Variants in RNF24 observed in about 807,000 individuals in gnomAD.
RNF24 encodes the protein ring finger protein 24.
Under a neutral mutation model 20.0 loss-of-function variants are expected in RNF24, and 14 were observed. The observed-to-expected ratio is 0.70, with a 90% CI of 0.46 to 1.10. RNF24 has a LOEUF of 1.10. RNF24 is among the 50% of genes least tolerant of loss of function. The pLI is 0.00. For synonymous variants in RNF24, 45 were observed against 61.1 expected, an observed-to-expected ratio of 0.74 and a Z score of 1.23; for missense variants, 124 against 177.6, an observed-to-expected ratio of 0.70 and a Z score of 1.71.
chr20:4,001,772 T>C (rs1981412071), intron 1 of RNF24, among the ~76,000 whole-genome samples: 1 of 151,712 alleles, frequency 6.6e-6, no homozygotes, highest in African/African-American at 2.4e-5. Context: ...CTCATCTCTA[T>C]AAAACTTAAA....
intron 1 of RNF24, among the ~76,000 whole-genome samples, chr20:3,980,210 C>T (rs1356920188): frequency 6.6e-6 from 1 of 152,160 alleles, no homozygotes; most frequent in Non-Finnish European, 1.5e-5. Context: ...AAAAAGGCTT[C>T]AGACCCCAAT....
Position 3,932,667 on chromosome 20 carries a change from C to A in RNF24, c.*1396G>T, listed in dbSNP as rs1305252854. The A allele has an allele frequency of 2.7e-6, 1 of 366,518 alleles. No individual in the cohort carries two copies. 22.7% of individuals were successfully genotyped at this position (366,518 alleles called of 1,614,324 possible). A position where few individuals can be genotyped will look rare whatever the true frequency, so the allele number is the denominator to read the frequency against. On this transcript the variant is annotated 3_prime_UTR_variant, in exon 6 of 6. Transcript: ENST00000358395. ...TATTCCTAATGAAAAACTTCCCCCA[C>A]TCACACCTGTGGGATGGAGTGGAGC... is the stretch of plus-strand genomic sequence containing the variant.
intron 1 of RNF24, among the ~76,000 whole-genome samples, chr20:4,012,431 AC>A (rs1982539090): frequency 6.6e-6 from 1 of 151,558 alleles, no homozygotes; most frequent in Non-Finnish European, 1.5e-5. Flanking sequence ...AAAAAAAACA[AC>A]AAAACACCCA....
At chr20:3,941,631 A>T (rs1459336015) in intron 4 of RNF24, among the ~76,000 whole-genome samples, 1 of 152,234 alleles carries the variant, frequency 6.6e-6, no homozygotes, top group Non-Finnish European at 1.5e-5. Flanking sequence ...GGTAAACCTA[A>T]TTCTAAATGT....
At chr20:3,988,670 G>C (rs998340126) in intron 1 of RNF24, among the ~76,000 whole-genome samples, 1 of 152,062 alleles carries the variant, frequency 6.6e-6, no homozygotes, top group Non-Finnish European at 1.5e-5. Flanking sequence ...TTTTGCCCAG[G>C]CTGGTCTGGA....
chr20:3,963,493 T>C (rs1269014110), intron 2 of RNF24, among the ~76,000 whole-genome samples: 2 of 152,170 alleles, frequency 1.3e-5, no homozygotes, highest in Non-Finnish European at 2.9e-5. Flanking sequence ...GCGCCCAGCC[T>C]TCCCTACTTT....
intron 4 of RNF24, among the ~76,000 whole-genome samples, chr20:3,939,319 A>G (rs1386880485): frequency 1.3e-5 from 2 of 152,172 alleles, no homozygotes; most frequent in African/African-American, 4.8e-5. Context: ...TGAGAGTTTT[A>G]TAATATTAGC....
chr20:3,970,489 T>C (rs2091304034), intron 1 of RNF24, among the ~76,000 whole-genome samples: 1 of 152,188 alleles, frequency 6.6e-6, no homozygotes, highest in South Asian at 2.1e-4. Context: ...TGAGAAATGA[T>C]AATTAACAGA....
At chr20:4,014,394 T>C (rs1982707418) in intron 1 of RNF24, among the ~76,000 whole-genome samples, 1 of 152,248 alleles carries the variant, frequency 6.6e-6, no homozygotes, top group Non-Finnish European at 1.5e-5. Flanking sequence ...GGAGTATTCC[T>C]ATAGACATGT....
At chr20:3,949,451 T>C (rs2091057221) in intron 2 of RNF24, among the ~76,000 whole-genome samples, 1 of 152,042 alleles carries the variant, frequency 6.6e-6, no homozygotes, top group Non-Finnish European at 1.5e-5. Flanking sequence ...TTTGGGAGGC[T>C]GAGGCAGGAG....
At chr20:3,972,034 A>C (rs964138020) in intron 1 of RNF24, among the ~76,000 whole-genome samples, 3 of 152,186 alleles carry the variant, frequency 2.0e-5, no homozygotes, top group Non-Finnish European at 4.4e-5. Flanking sequence ...CACAGAAAAT[A>C]AAATTACCAG....
chr20:3,943,195 A>T (rs1439457356), intron 4 of RNF24, among the ~76,000 whole-genome samples: 1 of 152,218 alleles, frequency 6.6e-6, no homozygotes, highest in Non-Finnish European at 1.5e-5. Flanking sequence ...CAAATAAATA[A>T]ATAGACATAA....
At chr20:3,997,057 T>TAA (rs557432274) in intron 1 of RNF24, among the ~76,000 whole-genome samples, 3 of 144,104 alleles carry the variant, frequency 2.1e-5, no homozygotes, top group Admixed American at 6.9e-5. Flanking sequence ...CATTCTCTAC[T>TAA]AAAAAAAAAA....
chr20:3,981,931 C>A (rs940255723), intron 1 of RNF24, among the ~76,000 whole-genome samples: 2 of 151,746 alleles, frequency 1.3e-5, no homozygotes, highest in Non-Finnish European at 2.9e-5. Context: ...TCAGCCTGGA[C>A]AACAGGTAAA....
chr20:3,927,860 T>G lies in RNF24; in HGVS notation c.*6203A>C, dbSNP rs1346134620. Reference sequence around the variant, plus strand: ...AAGTCTGCTGACACTGGTGGGGCCCTTACAGTCACAGAAGTAAGGACTGGA... The same window carrying G: ...AAGTCTGCTGACACTGGTGGGGCCCGTACAGTCACAGAAGTAAGGACTGGA... On this transcript the variant is annotated 3_prime_UTR_variant, in exon 6 of 6. Transcript: ENST00000358395. 2 of 152,214 alleles carry G rather than the reference T, an allele frequency of 1.3e-5. No homozygotes were observed. The highest frequency in any genetic ancestry group is 2.9e-5 in the Non-Finnish European group (2 of 68,056). 9.4% of individuals were successfully genotyped at this position (152,214 alleles called of 1,614,324 possible).
At chr20:3,968,690 G>A (rs1316206666) in intron 1 of RNF24, among the ~76,000 whole-genome samples, 1 of 152,150 alleles carries the variant, frequency 6.6e-6, no homozygotes, top group Non-Finnish European at 1.5e-5. Context: ...ATGACCACAT[G>A]AAACACCTTC....
At chr20:4,003,562 T>C (rs1981587824) in intron 1 of RNF24, among the ~76,000 whole-genome samples, 1 of 152,164 alleles carries the variant, frequency 6.6e-6, no homozygotes, top group African/African-American at 2.4e-5. Flanking sequence ...TGAAAATCTA[T>C]TTTGAAAGAA....
intron 1 of RNF24, chr20:3,974,469 AG>A: frequency 7.3e-7 from 1 of 1,374,210 alleles, no homozygotes; most frequent in Non-Finnish European, 9.5e-7. Context: ...AATTAAACTG[AG>A]CCTATTTGCC....
chr20:3,941,797 G>A (rs531408453), intron 4 of RNF24, among the ~76,000 whole-genome samples: 2 of 152,242 alleles, frequency 1.3e-5, no homozygotes, highest in East Asian at 3.9e-4. Flanking sequence ...AGATGAAGCT[G>A]GGCATGGTGG....
Sources: allele counts gnomAD v4.1 joint callset (sites outside exome capture counted in the v4.1 genomes callset), GRCh38; gene constraint gnomAD v4.1.1; transcripts MANE v1.5; gene names NCBI Gene and HGNC (gene_info 2026-07-23, HGNC 2026-07-21).